CELSR1: variants seen among roughly 807,000 people sequenced by gnomAD.
CELSR1 encodes adhesion G protein-coupled receptor C1.
A neutral mutation model predicts 249.1 loss-of-function variants in CELSR1; 110 were observed. The ratio of observed to expected loss-of-function variants is 0.44; its 90% confidence interval spans 0.38 to 0.52. The LOEUF (loss-of-function observed/expected upper bound fraction) is 0.52. CELSR1 is among the 20% of genes least tolerant of loss of function. The pLI, the probability that CELSR1 is intolerant of heterozygous loss-of-function variation, is 0.00. For missense variants in CELSR1, 4,109 were observed against 4,296.4 expected, an observed-to-expected ratio of 0.96 and a Z score of 1.22; for synonymous variants, 2,113 against 1,900.0, an observed-to-expected ratio of 1.11 and a Z score of -2.92.
In CELSR1 at chr22:46,472,175, CGCGAGGCT is replaced by C. The variant is rs2080162470; in HGVS notation, c.3545-7838_3545-7831del. On this transcript the variant is annotated intron_variant, in intron 1 of 34. Transcript: ENST00000674500. The surrounding 1 kb of genome is among the most constrained non-coding windows in gnomAD (Gnocchi z 7.0). ...GAAGGAGACAGAGCAGACGGCAGAG[CGCGAGGCT>C]GCGGGGCCCTCCTGGCAGGTGCTGT... Among the ~76,000 whole-genome samples the C allele has an allele frequency of 6.6e-6, 1 of 152,188 alleles. No homozygotes were observed. The highest frequency in any genetic ancestry group is 1.5e-5 in the Non-Finnish European group (1 of 68,036).
rs76955646 is a variant in CELSR1, at chr22:46,367,860, G to C, written c.7953-5C>G. 3.9e-5 allele frequency: 62 copies of C among 1,607,442 alleles called. No homozygotes were observed. Among genetic ancestry groups the C allele is most frequent in the Non-Finnish European group, 4.9e-5 (58 of 1,178,568 alleles). ...AATGCGGTCCTCAGCAGGGAGCTGC[G>C]GGAGGGCAGGATCAGGCCTGTGCCC... On this transcript the variant is annotated splice_polypyrimidine_tract_variant and splice_region_variant and intron_variant, in intron 27 of 34. Coordinates refer to ENST00000674500, the MANE Select transcript of CELSR1 (RefSeq NM_001378328.1).
intron 1 of CELSR1, among the ~76,000 whole-genome samples, chr22:46,497,856 T>C (rs921783647): frequency 3.9e-5 from 6 of 152,010 alleles, no homozygotes; most frequent in Non-Finnish European, 5.9e-5. Context: ...CAGAAGAGAG[T>C]ACCCATTAGA....
At chr22:46,525,881 G>A (rs1344467402) in intron 1 of CELSR1, among the ~76,000 whole-genome samples, 1 of 152,262 alleles carries the variant, frequency 6.6e-6, no homozygotes, top group Non-Finnish European at 1.5e-5. Flanking sequence ...GGCCAGCGTG[G>A]GGTTCTGGCA....
In CELSR1 at chr22:46,527,842, TC is replaced by T. The variant is rs2080753244; in HGVS notation, c.3544+5784del. On this transcript the variant is annotated intron_variant, in intron 1 of 34. Transcript: ENST00000674500. This position sits in a 1 kb window ranked among gnomAD's most constrained non-coding sequence, Gnocchi z 5.5. ...TGGGAGCGGTGGCTCACGCCTGTAA[TC>T]CCAGCATTTTGGGAGGCTGAGGCGG... Among the ~76,000 whole-genome samples the T allele has an allele frequency of 6.6e-6, 1 of 152,190 alleles. No individual in the cohort carries two copies. Among genetic ancestry groups the T allele is most frequent in the Non-Finnish European group, 1.5e-5 (1 of 68,034 alleles).
At position 46,411,880 on chromosome 22, in the gene CELSR1, G is replaced by T; in HGVS notation, c.4612-121C>A. 1 of 1,270,894 alleles carries T rather than the reference G, an allele frequency of 7.9e-7. No homozygotes were observed. The highest frequency in any genetic ancestry group is 1.1e-6 in the Non-Finnish European group (1 of 900,246). The allele number at this position is 1,270,894 out of a possible 1,614,324, so 78.7% of individuals were successfully genotyped here. A position where few individuals can be genotyped will look rare whatever the true frequency, so the allele number is the denominator to read the frequency against. On this transcript the variant is annotated intron_variant, in intron 5 of 34. Coordinates refer to ENST00000674500, the MANE Select transcript of CELSR1 (RefSeq NM_001378328.1). The surrounding 1 kb of genome is among the most constrained non-coding windows in gnomAD (Gnocchi z 4.2). ...CAGGGTGGGCGGCACGTAGACAAGG[G>T]ATGAGGAGCCCCCGGCCTTTAGTTC...
In CELSR1 at chr22:46,484,619, A is replaced by G. The variant is rs953337085; in HGVS notation, c.3545-20274T>C. On this transcript the variant is annotated intron_variant, in intron 1 of 34. Transcript: ENST00000674500. The surrounding 1 kb of genome is among the most constrained non-coding windows in gnomAD (Gnocchi z 4.5). ...GCTGCGCTCACATACCACGAGAGCT[A>G]CCTGGCCCACTCACTGCAGCACCTG... 2.7e-5 allele frequency among the ~76,000 whole-genome samples: 4 copies of G among 147,760 alleles called. No homozygotes were observed. The highest frequency in any genetic ancestry group is 5.9e-5 in the Non-Finnish European group (4 of 67,334).
Position 46,380,779 on chromosome 22 carries a change from C to A in CELSR1, c.7256+9G>T. ...AGCCCTCACATGGGGCTCCTGGCGT[C>A]ACACTTACGCCAGGGAGTGGTTCCA... On this transcript the variant is annotated intron_variant, in intron 22 of 34. Transcript: ENST00000674500. This position sits in a 1 kb window ranked among gnomAD's most constrained non-coding sequence, Gnocchi z 5.1. The A allele has an allele frequency of 6.2e-7, 1 of 1,610,562 alleles. No individual in the cohort carries two copies.
In CELSR1 at chr22:46,377,054, G is replaced by C; in HGVS notation, c.7584+7C>G. ...AGACAGTGGGGAGGGGAGCAGAGTG[G>C]CCATACCGGGTTTTCCGTCTGGTTG... On this transcript the variant is annotated splice_region_variant and intron_variant, in intron 24 of 34. Coordinates refer to ENST00000674500, the MANE Select transcript of CELSR1 (RefSeq NM_001378328.1). 1 of 1,612,306 alleles carries C rather than the reference G, an allele frequency of 6.2e-7. No individual in the cohort carries two copies. Among genetic ancestry groups the C allele is most frequent in the Non-Finnish European group, 8.5e-7 (1 of 1,179,752 alleles).
At chr22:46,467,034 G>A (rs191935751) in intron 1 of CELSR1, among the ~76,000 whole-genome samples, 442 of 152,302 alleles carry the variant, frequency 2.9e-3, no homozygotes, top group Admixed American at 5.5e-3. Context: ...CTCAAGAACT[G>A]TAAGAAAACA....
rs976246475 is a variant in CELSR1, at chr22:46,506,519, T to TCAGCCC, written c.3544+27102_3544+27107dup. 5.9e-5 allele frequency among the ~76,000 whole-genome samples: 9 copies of TCAGCCC among 152,262 alleles called. No homozygotes were observed. Among genetic ancestry groups the TCAGCCC allele is most frequent in the Middle Eastern group, 3.4e-3 (1 of 294 alleles). On this transcript the variant is annotated intron_variant, in intron 1 of 34. Coordinates refer to ENST00000674500, the MANE Select transcript of CELSR1 (RefSeq NM_001378328.1). This position sits in a 1 kb window ranked among gnomAD's most constrained non-coding sequence, Gnocchi z 4.1. ...GCCTCAGGTCTGCGTTCTGCCAGCC[T>TCAGCCC]CAGCCCCAGCCCCAGCCCCCCAAGT...
intron 1 of CELSR1, among the ~76,000 whole-genome samples, chr22:46,491,636 T>TC (rs71702087): frequency 2.3e-5 from 1 of 43,016 alleles, no homozygotes; most frequent in Non-Finnish European, 6.3e-5. Flanking sequence ...TCTCTCTCTC[T>TC]CTTTTTTTTT....
chr22:46,364,067 C>T lies in CELSR1; in HGVS notation c.8964G>A (p.Gly2988=). 3 of 1,612,332 alleles carry T rather than the reference C, an allele frequency of 1.9e-6. No individual in the cohort carries two copies. Among genetic ancestry groups the T allele is most frequent in the Non-Finnish European group, 2.5e-6 (3 of 1,179,680 alleles). The change falls in exon 34 of 35, where the codon GGG becomes GGA. Residue 2988 remains glycine (G), a synonymous_variant. Coordinates refer to ENST00000674500, the MANE Select transcript of CELSR1 (RefSeq NM_001378328.1). ...ITVKSPGREP[G]RDHLNGVAMN... ...TGGCCACCCCGTTGAGGTGGTCACGCCCCGGCTCCCTCCCAGGGCTCTTGA... is the reference window on the plus strand; with the variant it reads ...TGGCCACCCCGTTGAGGTGGTCACGTCCCGGCTCCCTCCCAGGGCTCTTGA...
intron 1 of CELSR1, among the ~76,000 whole-genome samples, chr22:46,498,174 G>A (rs1229604907): frequency 2.1e-5 from 3 of 145,936 alleles, no homozygotes; most frequent in Non-Finnish European, 3.0e-5. Context: ...ACTTTAACAC[G>A]GGAGGTGGAG....
At chr22:46,416,760 G>C (rs951312581) in intron 5 of CELSR1, among the ~76,000 whole-genome samples, 1 of 152,076 alleles carries the variant, frequency 6.6e-6, no homozygotes. Context: ...ATTTTCCTTC[G>C]AGGTATTTTC....
At position 46,448,544 on chromosome 22, in the gene CELSR1, A is replaced by G. The variant is rs761521416; in HGVS notation, c.4184-9133T>C. ...AAGTTCTTAAATAAATAAAAAGACA[A>G]TTCCTTTCTGGTCCTAAGAAACAGC... On this transcript the variant is annotated intron_variant, in intron 2 of 34. Transcript: ENST00000674500. This position sits in a 1 kb window ranked among gnomAD's most constrained non-coding sequence, Gnocchi z 5.7. 18 of 440,014 alleles carry G rather than the reference A, an allele frequency of 4.1e-5. No homozygotes were observed. The allele number at this position is 440,014 out of a possible 1,614,324, so 27.3% of individuals were successfully genotyped here.
At chr22:46,388,989 G>A (rs551532510) in intron 18 of CELSR1, among the ~76,000 whole-genome samples, 1 of 152,360 alleles carries the variant, frequency 6.6e-6, no homozygotes, top group South Asian at 2.1e-4. Context: ...AGGGAGAGGG[G>A]CTGATGCAGG....
rs1385975297 is a variant in CELSR1 at position 46,374,586 on chromosome 22, C to T, written c.7585-1529G>A. On this transcript the variant is annotated intron_variant, in intron 24 of 34. Coordinates refer to ENST00000674500, the MANE Select transcript of CELSR1 (RefSeq NM_001378328.1). This position sits in a 1 kb window ranked among gnomAD's most constrained non-coding sequence, Gnocchi z 4.3. ...TCCATGCTCAGCCGTGCGTGGCTGC[C>T]GGGACAGCGCTCACTCCGGCAGGCG... Among the ~76,000 whole-genome samples, 4 of 152,138 alleles carry T rather than the reference C, an allele frequency of 2.6e-5. No homozygotes were observed. The highest frequency in any genetic ancestry group is 7.2e-5 in the African/African-American group (3 of 41,420).
rs1443871447 is a variant in CELSR1 at position 46,471,856 on chromosome 22, G to T, written c.3545-7511C>A. Reference sequence around the variant, plus strand: ...ACCGTGGTGGCTTCCAGCCTTCCCTGGGTCTGGGACCTGTACAGTTTTCAG... The same window carrying T: ...ACCGTGGTGGCTTCCAGCCTTCCCTTGGTCTGGGACCTGTACAGTTTTCAG... On this transcript the variant is annotated intron_variant, in intron 1 of 34. Coordinates refer to ENST00000674500, the MANE Select transcript of CELSR1 (RefSeq NM_001378328.1). This position sits in a 1 kb window ranked among gnomAD's most constrained non-coding sequence, Gnocchi z 4.9. Among the ~76,000 whole-genome samples the T allele has an allele frequency of 6.6e-6, 1 of 152,194 alleles. No homozygotes were observed. The highest frequency in any genetic ancestry group is 1.5e-5 in the Non-Finnish European group (1 of 68,040).
chr22:46,418,264 T>A (rs2079425953), intron 5 of CELSR1, among the ~76,000 whole-genome samples: 4 of 152,156 alleles, frequency 2.6e-5, no homozygotes, highest in Admixed American at 2.6e-4. Flanking sequence ...GCGGATCACT[T>A]GCAGTCAGGA....
Sources: allele counts gnomAD v4.1 joint callset (sites outside exome capture counted in the v4.1 genomes callset), GRCh38; gene constraint gnomAD v4.1.1; non-coding constraint Gnocchi (gnomAD v3.1); transcripts MANE v1.5; gene names NCBI Gene and HGNC (gene_info 2026-07-23, HGNC 2026-07-21).